PATJ: variants seen among roughly 807,000 people sequenced by gnomAD.
PATJ encodes the protein PATJ crumbs cell polarity complex component.
PATJ carries 190 observed loss-of-function variants against 224.9 expected under a neutral mutation model. The observed-to-expected ratio is 0.84, with a 90% CI of 0.75 to 0.95. PATJ has a LOEUF of 0.95. Among genes scored for constraint, PATJ ranks in the 40% least tolerant of loss-of-function variants. PATJ has a pLI of 0.00. For synonymous variants in PATJ, 769 were observed against 820.3 expected (o/e 0.94, Z 1.07); for missense variants, 2,121 against 2,270.3 (o/e 0.93, Z 1.34).
chr1:62,013,519 A>G (rs1430026588), intron 28 of PATJ: 16 of 984,726 alleles, frequency 1.6e-5, no homozygotes, highest in African/African-American at 3.5e-5. Flanking sequence ...AAGGAGCTCC[A>G]CTCAGTTCAG....
At chr1:62,146,637 C>T (rs1453094729) in intron 41 of PATJ, among the ~76,000 whole-genome samples, 2 of 151,840 alleles carry the variant, frequency 1.3e-5, no homozygotes, top group Admixed American at 6.6e-5. Context: ...ATTAGCCAGG[C>T]GTGGTGGCGG....
At position 61,796,740 on chromosome 1, in the gene PATJ, CTT is replaced by C. The variant is rs143698836; in HGVS notation, c.1261-540_1261-539del. On this transcript the variant is annotated intron_variant, in intron 10 of 43. Coordinates refer to ENST00000642238, the MANE Select transcript of PATJ (RefSeq NM_001350145.3). The stretch of plus-strand genomic sequence containing the variant: ...TTTCTTTCTTTTTCTTTCTTTCTTT[CTT>C]TTTTTTCTTCCTTTCTTCCTTTCTA... Among the ~76,000 whole-genome samples the C allele has an allele frequency of 6.0e-5, 3 of 50,328 alleles. 1 individual carries two copies. Among genetic ancestry groups the C allele is most frequent in the Non-Finnish European group, 1.4e-4 (3 of 21,222 alleles). 33.0% of individuals were successfully genotyped at this position (50,328 alleles called of 152,430 possible).
intron 31 of PATJ, chr1:62,072,695 G>A (rs1657629796): frequency 6.9e-6 from 1 of 145,944 alleles, no homozygotes; most frequent in Non-Finnish European, 1.5e-5. Flanking sequence ...TCATGCCTGT[G>A]AAGAACACAC....
intron 7 of PATJ, among the ~76,000 whole-genome samples, chr1:61,779,956 C>T (rs1647155005): frequency 6.6e-6 from 1 of 151,994 alleles, no homozygotes; most frequent in African/African-American, 2.4e-5. Flanking sequence ...ACTCACTGCA[C>T]TAAGTAAACG....
chr1:61,795,831 C>T (rs1014282109), intron 10 of PATJ, among the ~76,000 whole-genome samples: 1 of 152,032 alleles, frequency 6.6e-6, no homozygotes, highest in African/African-American at 2.4e-5. Context: ...CTAGCATTAT[C>T]CTAGAAAACC....
intron 27 of PATJ, among the ~76,000 whole-genome samples, chr1:61,970,757 C>T (rs1399990455): frequency 6.6e-6 from 1 of 151,944 alleles, no homozygotes; most frequent in African/African-American, 2.4e-5. Flanking sequence ...CCTCCCAAAG[C>T]TCTGGGATTA....
chr1:62,148,856 G>C (rs919268038), intron 42 of PATJ, among the ~76,000 whole-genome samples: 2 of 152,174 alleles, frequency 1.3e-5, no homozygotes, highest in Non-Finnish European at 2.9e-5. Flanking sequence ...GCCGGGCTCA[G>C]TGGCTCATGC....
chr1:61,933,954 G>A (rs1676426975), intron 27 of PATJ, among the ~76,000 whole-genome samples: 1 of 148,118 alleles, frequency 6.8e-6, no homozygotes. Context: ...TTTTTTTTTC[G>A]AGATGGAGTC....
chr1:61,743,231 C>T (rs1191614417), intron 1 of PATJ, among the ~76,000 whole-genome samples: 2 of 152,208 alleles, frequency 1.3e-5, no homozygotes, highest in Non-Finnish European at 2.9e-5. Flanking sequence ...GTGCTTCCAG[C>T]CTTAGGGGAA....
intron 27 of PATJ, among the ~76,000 whole-genome samples, chr1:61,959,435 TTTTC>T (rs1211123689): frequency 0.44 from 45,579 of 103,786 alleles, 8,593 homozygotes; most frequent in East Asian, 0.74. Context: ...ATTTTTTTTC[TTTTC>T]TTTTTTTTTT....
chr1:61,862,117 C>A (rs572343025), intron 19 of PATJ, among the ~76,000 whole-genome samples: 1 of 152,210 alleles, frequency 6.6e-6, no homozygotes, highest in South Asian at 2.1e-4. Flanking sequence ...CCTGCCCCAG[C>A]CTCCCAGAGT....
At chr1:62,097,325 A>G (rs901931086) in intron 33 of PATJ, among the ~76,000 whole-genome samples, 2 of 152,170 alleles carry the variant, frequency 1.3e-5, no homozygotes, top group African/African-American at 2.4e-5. Flanking sequence ...AAAAAAGGAA[A>G]AAAAAAAGAC....
intron 14 of PATJ, among the ~76,000 whole-genome samples, chr1:61,820,328 G>A (rs1160690600): frequency 2.7e-5 from 4 of 149,272 alleles, no homozygotes; most frequent in Admixed American, 1.3e-4. Context: ...GTGAGCCACC[G>A]TGCCTGGCCT....
At chr1:62,082,788 A>C (rs1558143798) in intron 32 of PATJ, among the ~76,000 whole-genome samples, 1 of 151,494 alleles carries the variant, frequency 6.6e-6, no homozygotes, top group Non-Finnish European at 1.5e-5. Flanking sequence ...TTTTCTTTTG[A>C]TTTTTTTTCA....
intron 25 of PATJ, among the ~76,000 whole-genome samples, chr1:61,912,654 A>G (rs1365938443): frequency 8.5e-6 from 1 of 117,092 alleles, no homozygotes; most frequent in African/African-American, 3.2e-5. Context: ...AGAGAGAGGG[A>G]GGGAAGGAAG....
chr1:62,145,790 T>G (rs537006560), intron 41 of PATJ, among the ~76,000 whole-genome samples: 367 of 151,920 alleles, frequency 2.4e-3, no homozygotes, highest in African/African-American at 8.5e-3. Context: ...ACCCTGTCTC[T>G]ACTAAAAATA....
At chr1:62,134,432 A>G (rs886504214) in intron 41 of PATJ, among the ~76,000 whole-genome samples, 5 of 142,346 alleles carry the variant, frequency 3.5e-5, no homozygotes, top group African/African-American at 7.9e-5. Context: ...TGCAACTTCC[A>G]TCTCCCAGGT....
chr1:61,908,395 T>C lies in PATJ; in HGVS notation c.3405T>C (p.Asn1135=). 6.2e-7 allele frequency: 1 copy of C among 1,613,662 alleles called. No homozygotes were observed. The highest frequency in any genetic ancestry group is 8.5e-7 in the Non-Finnish European group (1 of 1,179,602). The change falls in exon 25 of 44, where the codon AAT becomes AAC. Residue 1135 remains asparagine (N), a synonymous_variant. Transcript: ENST00000642238. ...ILEVSGVDLQ[N]ASHSEAVEAI... is the part of the protein sequence containing the mutation. ...AGGTGTCTGGAGTAGATTTGCAGAA[T>C]GCCTCACACAGCGAAGCAGTTGAGG... is the stretch of plus-strand genomic sequence containing the variant.
At chr1:61,816,941 T>A (rs1484947985) in intron 14 of PATJ, among the ~76,000 whole-genome samples, 1 of 152,200 alleles carries the variant, frequency 6.6e-6, no homozygotes, top group East Asian at 1.9e-4. Context: ...TGGGGTAAGG[T>A]TCCTAAAGGG....
Sources: allele counts gnomAD v4.1 joint callset (sites outside exome capture counted in the v4.1 genomes callset), GRCh38; gene constraint gnomAD v4.1.1; transcripts MANE v1.5; gene names NCBI Gene and HGNC (gene_info 2026-07-23, HGNC 2026-07-21).